EFHB: variants seen among roughly 807,000 people sequenced by gnomAD.
EFHB encodes EF-hand domain-containing family member B.
Under a neutral mutation model 87.2 loss-of-function variants are expected in EFHB, and 91 were observed. That is an observed-to-expected ratio of 1.04 (90% CI 0.88 to 1.24). The LOEUF (loss-of-function observed/expected upper bound fraction) is 1.24, where lower values mean the gene tolerates loss of function less well. EFHB is among the 50% of genes most tolerant of loss of function. The probability of loss-of-function intolerance (pLI) is 0.00; values close to 1 mark genes in which losing one functional copy is unlikely to be tolerated. For missense variants in EFHB, 1,084 were observed against 998.8 expected (o/e 1.09, Z -1.15); for synonymous variants, 325 against 333.6 (o/e 0.97, Z 0.28).
upstream of EFHB, among the ~76,000 whole-genome samples, chr3:19,935,410 T>C (rs898121166): frequency 1.3e-5 from 2 of 152,136 alleles, no homozygotes; most frequent in Non-Finnish European, 1.5e-5. Flanking sequence ...AACCCCTAGC[T>C]TGGAATTTGA....
At chr3:19,896,922 C>T in intron 8 of EFHB, 81 bp from the exon 9 acceptor site, 1 of 1,269,462 alleles carries the variant, frequency 7.9e-7, no homozygotes, top group South Asian at 1.6e-5. Flanking sequence ...AGTGAGAGAT[C>T]TAGCAACCTC....
chr3:19,908,173 T>C (rs925468160), intron 5 of EFHB, among the ~76,000 whole-genome samples: 2 of 152,162 alleles, frequency 1.3e-5, no homozygotes, highest in Non-Finnish European at 2.9e-5. Context: ...GAAAAATGTA[T>C]ATATGATGTG....
intron 12 of EFHB, 65 bp downstream of exon 12, chr3:19,882,485 A>G: frequency 7.5e-7 from 1 of 1,338,520 alleles, no homozygotes; most frequent in Non-Finnish European, 9.7e-7. Flanking sequence ...CAAGTTTTTA[A>G]AATTCTAAAA....
At chr3:19,936,967 G>T (rs1047055921), upstream of EFHB, among the ~76,000 whole-genome samples, 2 of 151,764 alleles carry the variant, frequency 1.3e-5, no homozygotes, top group South Asian at 4.2e-4. Flanking sequence ...ACTTGAGTTC[G>T]AGACCAGCCT....
intron 6 of EFHB, among the ~76,000 whole-genome samples, chr3:19,901,038 A>C (rs1280915992): frequency 1.3e-5 from 2 of 152,198 alleles, no homozygotes; most frequent in Non-Finnish European, 2.9e-5. Flanking sequence ...GGGTAATTAA[A>C]TTCTGTCACA....
chr3:19,918,531 T>C, intron 3 of EFHB, 119 bp from the exon 4 acceptor site: 1 of 976,546 alleles, frequency 1.0e-6, no homozygotes, highest in Non-Finnish European at 1.4e-6. Context: ...CATTTCATTA[T>C]CATTATTGGC....
intron 10 of EFHB, among the ~76,000 whole-genome samples, chr3:19,887,117 T>C (rs1574992527): frequency 1.3e-5 from 2 of 152,240 alleles, no homozygotes; most frequent in Non-Finnish European, 1.5e-5. Flanking sequence ...ATGTTGGCTC[T>C]TGTCGGTCAT....
intron 3 of EFHB, 104 bp downstream of exon 3, chr3:19,919,729 G>T: frequency 8.8e-7 from 1 of 1,139,444 alleles, no homozygotes; most frequent in Non-Finnish European, 1.3e-6. Flanking sequence ...GTAAAAATAT[G>T]GGTGGGAAGG....
intron 5 of EFHB, among the ~76,000 whole-genome samples, chr3:19,908,596 GAGAGAAAGAA>G (rs1362300588): frequency 4.0e-3 from 386 of 97,084 alleles, no homozygotes; most frequent in Non-Finnish European, 5.2e-3. Flanking sequence ...GAGAGAGAGA[GAGAGAAAGAA>G]AGAAAGAAAG....
At chr3:19,905,549 T>G (rs1285501697) in intron 6 of EFHB, 71 bp downstream of exon 6, 2 of 1,514,012 alleles carry the variant, frequency 1.3e-6, no homozygotes, top group Non-Finnish European at 1.8e-6. Context: ...AAAAATAAAG[T>G]TTAAAAATCA....
intron 8 of EFHB, among the ~76,000 whole-genome samples, chr3:19,897,216 GA>G (rs769098643): frequency 6.6e-6 from 1 of 152,208 alleles, no homozygotes; most frequent in Non-Finnish European, 1.5e-5. Flanking sequence ...TCCAGGTGGG[GA>G]CCACTCAGTG....
chr3:19,913,625 C>A (rs1695132496), intron 5 of EFHB, among the ~76,000 whole-genome samples: 1 of 152,128 alleles, frequency 6.6e-6, no homozygotes, highest in Admixed American at 6.5e-5. Flanking sequence ...CTACCAAAAG[C>A]AATCTACAGA....
intron 1 of EFHB, chr3:19,941,286 G>A (rs1242351521): frequency 1.5e-5 from 4 of 263,014 alleles, no homozygotes; most frequent in Non-Finnish European, 2.3e-5. Flanking sequence ...TAGGGCATGT[G>A]TAAGAGGTAT....
intron 6 of EFHB, 146 bp from the exon 7 acceptor site, chr3:19,899,661 GT>G (rs1694605033): frequency 8.5e-6 from 4 of 471,748 alleles, no homozygotes; most frequent in Non-Finnish European, 1.4e-5. Flanking sequence ...TAAAAAGAAA[GT>G]TTTATGTGTT....
At chr3:19,888,004 A>G (rs1033840413) in intron 10 of EFHB, among the ~76,000 whole-genome samples, 1 of 152,196 alleles carries the variant, frequency 6.6e-6, no homozygotes, top group African/African-American at 2.4e-5. Context: ...AGATACAAAA[A>G]TATAGATTAA....
chr3:19,884,396 G>GAC lies in EFHB; in HGVS notation c.2146+5_2146+6dup. On this transcript the variant is annotated splice_region_variant and intron_variant, in intron 11 of 12. Transcript: ENST00000295824. ...TGCTTTTAAAACTTGACAAATAAGT[G>GAC]ACATACAAGTAGAAGGAATGGCTCC... 2 of 1,610,618 alleles carry GAC rather than the reference G, an allele frequency of 1.2e-6. No individual in the cohort carries two copies.
chr3:19,915,087 TA>T (rs199631872), intron 5 of EFHB, among the ~76,000 whole-genome samples: 20 of 147,340 alleles, frequency 1.4e-4, no homozygotes, highest in East Asian at 3.9e-4. Context: ...GACCCCTGTC[TA>T]AAAAAAAAAA....
intron 5 of EFHB, among the ~76,000 whole-genome samples, chr3:19,907,500 C>G (rs1694879178): frequency 6.6e-6 from 1 of 152,138 alleles, no homozygotes; most frequent in Non-Finnish European, 1.5e-5. Context: ...GCAGCACTTT[C>G]CACTATGCTA....
chr3:19,900,139 C>G (rs1251318668), intron 6 of EFHB, among the ~76,000 whole-genome samples: 2 of 151,996 alleles, frequency 1.3e-5, no homozygotes, highest in Non-Finnish European at 2.9e-5. Flanking sequence ...TCAGGCCAGG[C>G]ACAGTGGTTC....
Sources: allele counts gnomAD v4.1 joint callset (sites outside exome capture counted in the v4.1 genomes callset), GRCh38; gene constraint gnomAD v4.1.1; transcripts MANE v1.5; gene names NCBI Gene and HGNC (gene_info 2026-07-23, HGNC 2026-07-21).